Variants in CHST8 observed in about 807,000 individuals in gnomAD.
CHST8 encodes GALNAC-4-ST1.
CHST8 carries 10 observed loss-of-function variants against 15.0 expected under a neutral mutation model. The observed-to-expected ratio is 0.67, with a 90% CI of 0.41 to 1.13. CHST8 has a LOEUF of 1.13. Among genes scored for constraint, CHST8 ranks in the 50% most tolerant of loss-of-function variants. The probability of loss-of-function intolerance (pLI) is 0.00; values close to 1 mark genes in which losing one functional copy is unlikely to be tolerated. For missense variants in CHST8, 634 were observed against 608.2 expected, an observed-to-expected ratio of 1.04 and a Z score of -0.45; for synonymous variants, 259 against 256.6, an observed-to-expected ratio of 1.01 and a Z score of -0.09.
chr19:33,642,889 T>G (rs375037349), intron 1 of CHST8, among the ~76,000 whole-genome samples: 255 of 152,354 alleles, frequency 1.7e-3, no homozygotes, highest in African/African-American at 5.8e-3. Flanking sequence ...TTAATCACTT[T>G]GCATATCATG....
chr19:33,675,887 G>A (rs991110836), intron 2 of CHST8, among the ~76,000 whole-genome samples: 3 of 152,198 alleles, frequency 2.0e-5, no homozygotes, highest in Non-Finnish European at 4.4e-5. Context: ...CTCATCCAGG[G>A]GTCACGTGCC....
chr19:33,681,637 T>C (rs1479509109), intron 2 of CHST8, among the ~76,000 whole-genome samples: 1 of 152,138 alleles, frequency 6.6e-6, no homozygotes, highest in African/African-American at 2.4e-5. Context: ...GCCTCCCTGT[T>C]TCAAGACATT....
intron 3 of CHST8, among the ~76,000 whole-genome samples, chr19:33,754,487 C>G (rs539627960): frequency 2.0e-5 from 3 of 152,272 alleles, no homozygotes; most frequent in Admixed American, 6.5e-5. Flanking sequence ...TAACCCTATG[C>G]CTGCTCTCAT....
chr19:33,771,722 G>A (rs573590809), intron 4 of CHST8, among the ~76,000 whole-genome samples: 17 of 152,118 alleles, frequency 1.1e-4, no homozygotes, highest in African/African-American at 4.1e-4. Flanking sequence ...CCCAGGCCAG[G>A]TTCCTGGGAG....
chr19:33,683,354 T>G (rs12463166), intron 2 of CHST8, among the ~76,000 whole-genome samples: 27,643 of 152,160 alleles, frequency 0.18, 2,672 homozygotes, highest in Admixed American at 0.25. Flanking sequence ...TCTTTAAAAG[T>G]GTATTTGTCT....
At chr19:33,739,059 G>A (rs1000210287) in intron 3 of CHST8, among the ~76,000 whole-genome samples, 2 of 152,176 alleles carry the variant, frequency 1.3e-5, no homozygotes, top group African/African-American at 2.4e-5. Context: ...AAACTCCCCC[G>A]CCCTCCTTCT....
chr19:33,643,907 C>G (rs925264467), intron 1 of CHST8, among the ~76,000 whole-genome samples: 5 of 152,090 alleles, frequency 3.3e-5, no homozygotes, highest in African/African-American at 1.2e-4. Context: ...AATAAGGATA[C>G]ATTGACTCCT....
rs565764543 is a variant in CHST8, at chr19:33,772,612, C to G, written c.824C>G (p.Pro275Arg). The G allele has an allele frequency of 6.2e-7, 1 of 1,614,082 alleles. No individual in the cohort carries two copies. Among genetic ancestry groups the G allele is most frequent in the Admixed American group, 1.7e-5 (1 of 60,038 alleles). Residue 275 changes from proline (P) to arginine (R), a missense_variant, in exon 5 of 5, where the codon CCC becomes CGC. Transcript: ENST00000650847. The stretch of plus-strand genomic sequence containing the variant: ...GCCTTCCGCGACAAGTTTGAGCACC[C>G]CAACAGCTACTATCACCCGGTCTTC... ...VSAFRDKFEH[P>R]NSYYHPVFGK...
At chr19:33,688,881 G>A (rs1008483904) in intron 2 of CHST8, among the ~76,000 whole-genome samples, 12 of 152,094 alleles carry the variant, frequency 7.9e-5, no homozygotes, top group African/African-American at 2.9e-4. Context: ...ACTGACTGGG[G>A]GCCTGGAGGT....
intron 3 of CHST8, among the ~76,000 whole-genome samples, chr19:33,717,795 T>TAAAAA (rs1973689084): frequency 6.6e-6 from 1 of 152,196 alleles, no homozygotes; most frequent in Non-Finnish European, 1.5e-5. Flanking sequence ...ACCCTGTTTT[T>TAAAAA]CAGGGTGTCA....
chr19:33,670,511 C>G (rs944676175), intron 2 of CHST8, among the ~76,000 whole-genome samples: 10 of 152,234 alleles, frequency 6.6e-5, no homozygotes, highest in Non-Finnish European at 1.0e-4. Flanking sequence ...CACACACCAG[C>G]AGTGGTAGCC....
chr19:33,720,792 A>C (rs868480377), intron 3 of CHST8, among the ~76,000 whole-genome samples: 1 of 152,236 alleles, frequency 6.6e-6, no homozygotes, highest in Admixed American at 6.5e-5. Flanking sequence ...TCCTTCCACT[A>C]TGCAGTTCCT....
At chr19:33,662,570 A>AG (rs760314768) in intron 1 of CHST8, among the ~76,000 whole-genome samples, 1 of 152,062 alleles carries the variant, frequency 6.6e-6, no homozygotes, top group Non-Finnish European at 1.5e-5. Context: ...GAATGCTGTG[A>AG]GGGGGTGCCT....
At chr19:33,658,547 G>T (rs1972542422) in intron 1 of CHST8, among the ~76,000 whole-genome samples, 1 of 152,158 alleles carries the variant, frequency 6.6e-6, no homozygotes, top group South Asian at 2.1e-4. Flanking sequence ...GAATAATTGA[G>T]TAGGATGACC....
At chr19:33,626,137 C>T (rs1243635612) in intron 1 of CHST8, among the ~76,000 whole-genome samples, 1 of 152,188 alleles carries the variant, frequency 6.6e-6, no homozygotes, top group Non-Finnish European at 1.5e-5. Context: ...CATCTCATTT[C>T]TTATCAGCTG....
intron 3 of CHST8, chr19:33,744,291 G>A (rs998241944): frequency 5.3e-5 from 8 of 152,232 alleles, no homozygotes; most frequent in Admixed American, 5.2e-4. Context: ...TGGAGAAAAG[G>A]TGGGGGCAGA....
chr19:33,755,546 C>T (rs1363810979), intron 3 of CHST8, among the ~76,000 whole-genome samples: 2 of 152,268 alleles, frequency 1.3e-5, no homozygotes, highest in Non-Finnish European at 2.9e-5. Flanking sequence ...ACCTGGCCCG[C>T]TCCTCATCCC....
At position 33,760,665 on chromosome 19, in the gene CHST8, C is replaced by A. The variant is rs1162252312; in HGVS notation, c.131-10748C>A. On this transcript the variant is annotated intron_variant, in intron 3 of 4. Coordinates refer to ENST00000650847, the MANE Select transcript of CHST8 (RefSeq NM_001127895.2). ...CAGTCTCTGGACCCATCTCTTCATC[C>A]CAGGAGCCTTGCTTTCATGGTGGAA... 2.6e-5 allele frequency among the ~76,000 whole-genome samples: 4 copies of A among 152,216 alleles called. No individual in the cohort carries two copies. In the East Asian group the frequency reaches 7.7e-4, roughly 29 times the overall value.
At chr19:33,695,926 A>C (rs770678192) in intron 3 of CHST8, among the ~76,000 whole-genome samples, 5 of 140,102 alleles carry the variant, frequency 3.6e-5, no homozygotes, top group Non-Finnish European at 4.5e-5. Flanking sequence ...CCTGGGTTGG[A>C]GCGATTCTCC....
Sources: allele counts gnomAD v4.1 joint callset (sites outside exome capture counted in the v4.1 genomes callset), GRCh38; gene constraint gnomAD v4.1.1; transcripts MANE v1.5; gene names NCBI Gene and HGNC (gene_info 2026-07-23, HGNC 2026-07-21).